MYL5: variants seen among roughly 807,000 people sequenced by gnomAD.
MYL5 encodes the protein myosin regulatory light chain 5.
MYL5 carries 28 observed loss-of-function variants against 20.8 expected under a neutral mutation model. The observed-to-expected ratio is 1.35, with a 90% CI of 1.00 to 1.84. MYL5 has a LOEUF of 1.84. Among genes scored for constraint, MYL5 ranks in the 40% most tolerant of loss-of-function variants. The probability of loss-of-function intolerance (pLI) is 0.00; values close to 1 mark genes in which losing one functional copy is unlikely to be tolerated. For synonymous variants in MYL5, 118 were observed against 87.4 expected, an observed-to-expected ratio of 1.35 and a Z score of -1.95; for missense variants, 274 against 227.3, an observed-to-expected ratio of 1.21 and a Z score of -1.32.
chr4:674,595 C>T, upstream of MYL5: 1 of 377,816 alleles, frequency 2.6e-6, no homozygotes, highest in Non-Finnish European at 4.8e-6. Context: ...GCCGAGGCCC[C>T]GCCGTCCGCG....
At position 679,036 on chromosome 4, in the gene MYL5, A is replaced by T. The variant is rs750490183; in HGVS notation, c.187+3A>T. On this transcript the variant is annotated splice_donor_region_variant and intron_variant, in intron 3 of 6. Transcript: ENST00000400159. ...GAAGGACACCTATGCCTCCCTGGGT[A>T]GGTACCCAGGCAGAACGCCTCAGAG... The T allele has an allele frequency of 6.2e-7, 1 of 1,613,288 alleles. No individual in the cohort carries two copies. The highest frequency in any genetic ancestry group is 8.5e-7 in the Non-Finnish European group (1 of 1,179,638).
At chr4:678,899 G>A in intron 2 of MYL5, 59 bp from the exon 5 acceptor site, 1 of 1,607,944 alleles carries the variant, frequency 6.2e-7, no homozygotes, top group Non-Finnish European at 8.5e-7. Flanking sequence ...ACCGGGAGCA[G>A]GGGGCGGGGC....
At chr4:681,985 G>A (rs1205827359) in exon 7 of MYL5, 4 of 1,407,796 alleles carry the variant, frequency 2.8e-6, no homozygotes, top group African/African-American at 3.0e-5. Flanking sequence ...GGGAGGAGAA[G>A]GAGGAGTGAG....
intron 3 of MYL5, 78 bp from the exon 6 acceptor site, chr4:679,836 C>G (rs542046321): frequency 7.9e-7 from 1 of 1,259,534 alleles, no homozygotes; most frequent in South Asian, 1.2e-5. Context: ...GCCTGCCTGG[C>G]CCTGTGCTGG....
chr4:678,253 G>A (rs147372846), intron 1 of MYL5: 93 of 1,473,476 alleles, frequency 6.3e-5, no homozygotes, highest in East Asian at 1.8e-4. Context: ...CGTGCCTCAC[G>A]TTGCTCTCCT....
chr4:678,026 C>G, exon 1 of MYL5: 1 of 1,613,404 alleles, frequency 6.2e-7, no homozygotes, highest in East Asian at 2.2e-5. Flanking sequence ...CAGAAGCAGG[C>G]ATGGTGAGCA....
At chr4:674,980 C>G (rs552184828), upstream of MYL5, 1 of 152,638 alleles carries the variant, frequency 6.6e-6, no homozygotes, top group South Asian at 2.0e-4. Flanking sequence ...TCACTTCTGT[C>G]CCGAAGAGGG....
intron 1 of MYL5, 77 bp downstream of exon 3, chr4:678,106 C>T (rs374218406): frequency 1.6e-5 from 26 of 1,594,120 alleles, no homozygotes; most frequent in Admixed American, 8.9e-5. Context: ...TGCGCACAGA[C>T]GAGCGTGGGC....
chr4:681,204 G>C, intron 6 of MYL5, 64 bp downstream of exon 8: 1 of 1,554,660 alleles, frequency 6.4e-7, no homozygotes, highest in Non-Finnish European at 8.7e-7. Flanking sequence ...GGTCAGCTGG[G>C]TGGAGGGGGA....
chr4:681,396 A>T (rs1169439068), intron 6 of MYL5, among the ~76,000 whole-genome samples: 3 of 151,486 alleles, frequency 2.0e-5, no homozygotes, highest in East Asian at 3.9e-4. Flanking sequence ...CGTCTGTCCC[A>T]GCCGGAGGGG....
rs1286836795 is a variant in MYL5, at chr4:681,646, C to T, written c.421-247C>T. On this transcript the variant is annotated intron_variant, in intron 6 of 6. Transcript: ENST00000400159. The stretch of plus-strand genomic sequence containing the variant: ...CCCCGCCCCCTCCAGCGCCGCCCCG[C>T]CCCCTCCAGCGCCGCCCCGCCCCCT... Among the ~76,000 whole-genome samples, 303 of 61,240 alleles carry T rather than the reference C, an allele frequency of 4.9e-3. 19 individuals are homozygous for T. The highest frequency in any genetic ancestry group is 0.011 in the African/African-American group (157 of 14,064). 40.2% of individuals were successfully genotyped at this position (61,240 alleles called of 152,430 possible). A position where few individuals can be genotyped will look rare whatever the true frequency, so the allele number is the denominator to read the frequency against.
chr4:675,139 G>C (rs1183227928), upstream of MYL5: 1 of 152,482 alleles, frequency 6.6e-6, no homozygotes, highest in Non-Finnish European at 1.5e-5. Flanking sequence ...GCTGGCCTCT[G>C]TCCACCTCCC....
upstream of MYL5, chr4:676,602 G>A (rs891847582): frequency 6.6e-6 from 1 of 152,294 alleles, no homozygotes; most frequent in African/African-American, 2.4e-5. Context: ...TCAGACTCCA[G>A]TGGCCTGGGA....
chr4:677,888 G>C, upstream of MYL5: 1 of 1,459,222 alleles, frequency 6.9e-7, no homozygotes, highest in Admixed American at 1.7e-5. Context: ...CAGCTGTCCA[G>C]TCCCCTGGGG....
At chr4:677,282 G>A (rs573581464), upstream of MYL5, among the ~76,000 whole-genome samples, 44 of 152,268 alleles carry the variant, frequency 2.9e-4, no homozygotes, top group Non-Finnish European at 5.3e-4. Flanking sequence ...CTCTGTGGTG[G>A]CCTCTGATGT....
upstream of MYL5, chr4:674,997 ATCT>A (rs919992141): frequency 1.3e-5 from 2 of 152,364 alleles, no homozygotes; most frequent in African/African-American, 4.8e-5. Context: ...AGGGGCTGGG[ATCT>A]TCTTGGGAAG....
chr4:677,037 G>A (rs1738910701), upstream of MYL5: 8 of 546,852 alleles, frequency 1.5e-5, no homozygotes, highest in South Asian at 2.4e-4. Flanking sequence ...CAGACACGGT[G>A]GCGCCCCCAG....
intron 3 of MYL5, 134 bp from the exon 6 acceptor site, chr4:679,780 C>A: frequency 1.5e-6 from 1 of 682,468 alleles, no homozygotes; most frequent in East Asian, 2.9e-5. Flanking sequence ...CCCCACGTGC[C>A]TGGGCCAAGC....
Position 681,075 on chromosome 4 carries a change from C to A in MYL5, c.372-17C>A, listed in dbSNP as rs1225972336. ...ACCCCCGCATCAGCCCGCGCTGACC[C>A]CTTTCCTCGTCCTCAGCATCAAGCG... On this transcript the variant is annotated splice_polypyrimidine_tract_variant and intron_variant, in intron 5 of 6. Coordinates refer to ENST00000400159, the Ensembl canonical transcript of MYL5. 10 of 1,592,232 alleles carry A rather than the reference C, an allele frequency of 6.3e-6. No homozygotes were observed. The highest frequency in any genetic ancestry group is 1.3e-5 in the African/African-American group (1 of 74,680).
Sources: allele counts gnomAD v4.1 joint callset (sites outside exome capture counted in the v4.1 genomes callset), GRCh38; gene constraint gnomAD v4.1.1; transcripts MANE v1.5; gene names NCBI Gene and HGNC (gene_info 2026-07-23, HGNC 2026-07-21).